Variants in ROBO1 observed in about 807,000 individuals in gnomAD.
The protein encoded by ROBO1 is roundabout guidance receptor 1.
ROBO1 carries 149 observed loss-of-function variants against 195.9 expected under a neutral mutation model. That is an observed-to-expected ratio of 0.76 (90% CI 0.67 to 0.87). The LOEUF is 0.87. Among genes scored for constraint, ROBO1 ranks in the 40% least tolerant of loss-of-function variants. The pLI is 0.00. For synonymous variants in ROBO1, 816 were observed against 733.2 expected, an observed-to-expected ratio of 1.11 and a Z score of -1.82; for missense variants, 1,933 against 2,068.3, an observed-to-expected ratio of 0.93 and a Z score of 1.27.
chr3:79,157,716 T>G (rs1229314160), intron 2 of ROBO1, among the ~76,000 whole-genome samples: 1 of 151,914 alleles, frequency 6.6e-6, no homozygotes, highest in East Asian at 1.9e-4. Context: ...AAGTAATATG[T>G]GCATAAAGTA....
intron 1 of ROBO1, among the ~76,000 whole-genome samples, chr3:79,757,781 G>A (rs1704487396): frequency 6.6e-6 from 1 of 151,976 alleles, no homozygotes; most frequent in African/African-American, 2.4e-5. Flanking sequence ...TCACATGAAG[G>A]AATCAAAACA....
chr3:78,819,758 G>A (rs1196981980), intron 4 of ROBO1, among the ~76,000 whole-genome samples: 2 of 151,962 alleles, frequency 1.3e-5, no homozygotes, highest in African/African-American at 4.8e-5. Flanking sequence ...TGATTATTTT[G>A]GTTTCTTGTC....
chr3:79,741,464 G>T (rs554039178), intron 1 of ROBO1, among the ~76,000 whole-genome samples: 1 of 151,986 alleles, frequency 6.6e-6, no homozygotes, highest in African/African-American at 2.4e-5. Context: ...TTGTTTCCTA[G>T]GTAATCAAAA....
chr3:78,788,926 C>T (rs2083933591), intron 4 of ROBO1, among the ~76,000 whole-genome samples: 3 of 151,926 alleles, frequency 2.0e-5, no homozygotes, highest in Admixed American at 2.0e-4. Flanking sequence ...TGGATGATAC[C>T]ATAACTAGTT....
At chr3:79,672,463 A>C (rs1946659613) in intron 1 of ROBO1, among the ~76,000 whole-genome samples, 1 of 151,958 alleles carries the variant, frequency 6.6e-6, no homozygotes, top group East Asian at 1.9e-4. Context: ...CTCATCCAAT[A>C]AGTTAATTTC....
intron 4 of ROBO1, among the ~76,000 whole-genome samples, chr3:78,816,107 G>A (rs2084894894): frequency 1.3e-5 from 2 of 152,110 alleles, no homozygotes; most frequent in African/African-American, 2.4e-5. Flanking sequence ...TCAAAGGACA[G>A]GCTGATTTTC....
intron 2 of ROBO1, among the ~76,000 whole-genome samples, chr3:79,568,052 T>C (rs900423517): frequency 2.0e-5 from 3 of 152,132 alleles, no homozygotes; most frequent in Admixed American, 2.0e-4. Context: ...GCCGTGAATG[T>C]AAGGTTCCTT....
At chr3:79,160,200 T>C (rs1420073359) in intron 2 of ROBO1, among the ~76,000 whole-genome samples, 1 of 151,864 alleles carries the variant, frequency 6.6e-6, no homozygotes, top group Non-Finnish European at 1.5e-5. Context: ...GCGTTGATGT[T>C]CACAATATTA....
chr3:79,673,933 C>T (rs1673059844), intron 1 of ROBO1, among the ~76,000 whole-genome samples: 1 of 151,954 alleles, frequency 6.6e-6, no homozygotes, highest in Non-Finnish European at 1.5e-5. Flanking sequence ...TAAACTTTCC[C>T]TCCAGGGGAA....
intron 1 of ROBO1, among the ~76,000 whole-genome samples, chr3:79,702,961 C>G (rs1015648680): frequency 9.9e-5 from 15 of 151,894 alleles, no homozygotes; most frequent in African/African-American, 3.6e-4. Context: ...ACCAGGGTAT[C>G]TCAAAGGACT....
intron 1 of ROBO1, among the ~76,000 whole-genome samples, chr3:79,711,525 T>C (rs1232293552): frequency 1.3e-5 from 2 of 152,116 alleles, no homozygotes; most frequent in Non-Finnish European, 2.9e-5. Context: ...AATAGAAAAG[T>C]ATGAAAAAGG....
At chr3:78,842,330 T>TA (rs2033298271) in intron 4 of ROBO1, among the ~76,000 whole-genome samples, 2 of 120,616 alleles carry the variant, frequency 1.7e-5, no homozygotes, top group African/African-American at 6.4e-5. Flanking sequence ...GCCATATATA[T>TA]TTTTATATAT....
chr3:78,862,004 C>G (rs931388952), intron 4 of ROBO1, among the ~76,000 whole-genome samples: 9 of 152,088 alleles, frequency 5.9e-5, no homozygotes, highest in Non-Finnish European at 1.3e-4. Context: ...CCCTAGAACA[C>G]GTGAATATGC....
intron 5 of ROBO1, among the ~76,000 whole-genome samples, chr3:78,735,858 G>A (rs1284928548): frequency 6.6e-6 from 1 of 152,074 alleles, no homozygotes; most frequent in Non-Finnish European, 1.5e-5. Flanking sequence ...ATCCCAGGAA[G>A]AACTCTTACG....
chr3:79,100,212 G>A (rs982061293), intron 3 of ROBO1, among the ~76,000 whole-genome samples: 3 of 151,658 alleles, frequency 2.0e-5, no homozygotes, highest in African/African-American at 7.3e-5. Flanking sequence ...TGAAAGTGAT[G>A]GATATAAATT....
At chr3:79,660,198 C>T (rs1166180832) in intron 1 of ROBO1, among the ~76,000 whole-genome samples, 1 of 151,206 alleles carries the variant, frequency 6.6e-6, no homozygotes, top group Non-Finnish European at 1.5e-5. Context: ...GGAAGTAAGC[C>T]CCAAAACGTG....
intron 3 of ROBO1, among the ~76,000 whole-genome samples, chr3:78,947,745 G>C (rs1438124024): frequency 1.3e-5 from 2 of 151,996 alleles, no homozygotes; most frequent in Non-Finnish European, 2.9e-5. Context: ...CTGGTTTTTT[G>C]AAAAGATCAA....
intron 2 of ROBO1, among the ~76,000 whole-genome samples, chr3:79,151,264 T>A (rs2080763625): frequency 6.6e-6 from 1 of 151,706 alleles, no homozygotes; most frequent in Non-Finnish European, 1.5e-5. Flanking sequence ...GAGAATGGAC[T>A]AATAATACAT....
intron 4 of ROBO1, among the ~76,000 whole-genome samples, chr3:78,859,819 G>A (rs1024418992): frequency 2.0e-5 from 3 of 152,186 alleles, no homozygotes; most frequent in Admixed American, 6.5e-5. Flanking sequence ...AGGGGCTCGC[G>A]CCTATAATCC....
Sources: gnomAD v4.1 joint callset for allele counts (sites outside exome capture counted in the v4.1 genomes callset) on GRCh38, gnomAD v4.1.1 for gene constraint, MANE v1.5 for transcripts, NCBI Gene and HGNC (gene_info 2026-07-23, HGNC 2026-07-21) for gene names.